The following MAGI2 variants were observed in gnomAD, a reference collection of about 807,000 sequenced individuals.
The protein encoded by MAGI2 is membrane-associated guanylate kinase, WW and PDZ domain-containing protein 2.
MAGI2 carries 35 observed loss-of-function variants against 133.3 expected under a neutral mutation model. The ratio of observed to expected loss-of-function variants is 0.26; its 90% CI spans 0.20 to 0.35. The LOEUF is 0.35. Among genes scored for constraint, MAGI2 ranks in the 10% least tolerant of loss-of-function variants. The pLI is 1.00. For missense variants in MAGI2, 1,636 were observed against 1,863.4 expected (o/e 0.88, Z 2.25); for synonymous variants, 729 against 710.6 (o/e 1.03, Z -0.41).
chr7:79,384,462 A>G (rs1844035727), intron 1 of MAGI2, among the ~76,000 whole-genome samples: 1 of 108,166 alleles, frequency 9.2e-6, no homozygotes, highest in African/African-American at 5.1e-5. Flanking sequence ...ATTAAGTCAA[A>G]TAACTTAGAT....
At chr7:78,040,580 C>A (rs1489419217) in intron 21 of MAGI2, among the ~76,000 whole-genome samples, 1 of 152,136 alleles carries the variant, frequency 6.6e-6, no homozygotes, top group Non-Finnish European at 1.5e-5. Context: ...CTGAGGATCC[C>A]GCAGGTAGAC....
Position 78,695,109 on chromosome 7 carries a change from C to T in MAGI2, c.419-67870G>A, listed in dbSNP as rs576186022. 7.9e-5 allele frequency among the ~76,000 whole-genome samples: 12 copies of T among 152,232 alleles called. No individual in the cohort carries two copies. The South Asian group carries it at 2.5e-3, about 32-fold the overall frequency. On this transcript the variant is annotated intron_variant, in intron 2 of 21. Coordinates refer to ENST00000354212, the MANE Select transcript of MAGI2 (RefSeq NM_012301.4). ...GCGTGGTGGCGGGTGCCTGTAGTCC[C>T]AGCTACTCGGGAGGCTGAGGCAGGA...
intron 3 of MAGI2, among the ~76,000 whole-genome samples, chr7:78,548,169 T>C (rs757919808): frequency 4.6e-5 from 7 of 152,228 alleles, no homozygotes; most frequent in Non-Finnish European, 7.3e-5. Context: ...GCATTCCCAG[T>C]GTTCACTCAG....
intron 1 of MAGI2, among the ~76,000 whole-genome samples, chr7:79,275,373 A>G (rs1563069611): frequency 6.6e-6 from 1 of 152,198 alleles, no homozygotes; most frequent in Admixed American, 6.5e-5. Flanking sequence ...CCTAAGCCAA[A>G]GCCTAATCCA....
At chr7:79,239,231 A>G (rs566204242) in intron 1 of MAGI2, among the ~76,000 whole-genome samples, 1 of 152,026 alleles carries the variant, frequency 6.6e-6, no homozygotes, top group Non-Finnish European at 1.5e-5. Context: ...TTTTTTTCCC[A>G]TACAGTATAA....
chr7:78,171,123 T>C (rs1203596184), intron 14 of MAGI2, among the ~76,000 whole-genome samples: 1 of 152,228 alleles, frequency 6.6e-6, no homozygotes, highest in African/African-American at 2.4e-5. Flanking sequence ...GACACAGAGA[T>C]AGCTCGATAT....
At chr7:78,711,143 T>C (rs560488559) in intron 2 of MAGI2, among the ~76,000 whole-genome samples, 1 of 152,234 alleles carries the variant, frequency 6.6e-6, no homozygotes, top group African/African-American at 2.4e-5. Flanking sequence ...TGTGTTAAAC[T>C]TGCACATCAT....
At chr7:78,852,489 T>G (rs558980972) in intron 2 of MAGI2, among the ~76,000 whole-genome samples, 5 of 152,258 alleles carry the variant, frequency 3.3e-5, no homozygotes, top group Non-Finnish European at 7.4e-5. Context: ...CTATGCATTC[T>G]AAAAATTTTA....
intron 20 of MAGI2, among the ~76,000 whole-genome samples, chr7:78,123,581 T>C (rs1820681544): frequency 6.6e-6 from 1 of 152,182 alleles, no homozygotes; most frequent in African/African-American, 2.4e-5. Flanking sequence ...AGAGGGCTGC[T>C]GAGTAACCAG....
chr7:78,721,397 G>A (rs1343722738), intron 2 of MAGI2, among the ~76,000 whole-genome samples: 1 of 151,828 alleles, frequency 6.6e-6, no homozygotes, highest in African/African-American at 2.4e-5. Context: ...ACTATTTGTA[G>A]GTTCCTTTAA....
intron 1 of MAGI2, among the ~76,000 whole-genome samples, chr7:79,259,635 GTATAAGT>G (rs1833939538): frequency 6.6e-6 from 1 of 152,104 alleles, no homozygotes; most frequent in Non-Finnish European, 1.5e-5. Context: ...CAATCTATGT[GTATAAGT>G]TATAAGTTAT....
intron 9 of MAGI2, among the ~76,000 whole-genome samples, chr7:78,318,564 G>A (rs1165488738): frequency 1.3e-5 from 2 of 152,148 alleles, no homozygotes; most frequent in Non-Finnish European, 2.9e-5. Flanking sequence ...TTATCCAGGA[G>A]AACTTCCCCA....
intron 2 of MAGI2, among the ~76,000 whole-genome samples, chr7:78,926,443 G>A (rs1799698050): frequency 6.6e-6 from 1 of 151,958 alleles, no homozygotes; most frequent in Non-Finnish European, 1.5e-5. Context: ...CCATCTCTAA[G>A]CACAATCATG....
At chr7:78,859,291 G>A (rs1337939841) in intron 2 of MAGI2, among the ~76,000 whole-genome samples, 1 of 152,172 alleles carries the variant, frequency 6.6e-6, no homozygotes, top group African/African-American at 2.4e-5. Context: ...TATGATGTTA[G>A]CTGGTTAGTT....
chr7:78,518,890 T>G (rs1399490626), intron 4 of MAGI2: 1 of 152,296 alleles, frequency 6.6e-6, no homozygotes, highest in Non-Finnish European at 1.5e-5. Context: ...TGTGCTACCA[T>G]GCCTGGCTAA....
intron 1 of MAGI2, among the ~76,000 whole-genome samples, chr7:79,080,555 A>G (rs1815946386): frequency 6.6e-6 from 1 of 152,126 alleles, no homozygotes; most frequent in South Asian, 2.1e-4. Context: ...CTAATATATC[A>G]TCAAGTATGT....
chr7:78,048,197 T>G (rs1417585048), intron 21 of MAGI2, among the ~76,000 whole-genome samples: 1 of 152,196 alleles, frequency 6.6e-6, no homozygotes, highest in African/African-American at 2.4e-5. Context: ...GGCAACCAAA[T>G]GGACATTATG....
At chr7:78,286,634 G>A (rs562217974) in intron 9 of MAGI2, among the ~76,000 whole-genome samples, 4 of 152,190 alleles carry the variant, frequency 2.6e-5, no homozygotes, top group Admixed American at 6.6e-5. Flanking sequence ...ATGAGAGTCC[G>A]CTGAGGTGAA....
At chr7:79,404,133 C>A (rs1845649374) in intron 1 of MAGI2, among the ~76,000 whole-genome samples, 1 of 152,124 alleles carries the variant, frequency 6.6e-6, no homozygotes, top group African/African-American at 2.4e-5. Flanking sequence ...GGAAAAATGA[C>A]ACCTGGCAAG....
Sources: gnomAD v4.1 joint callset for allele counts (sites outside exome capture counted in the v4.1 genomes callset) on GRCh38, gnomAD v4.1.1 for gene constraint, MANE v1.5 for transcripts, NCBI Gene and HGNC (gene_info 2026-07-23, HGNC 2026-07-21) for gene names.